Variants in XRCC5 observed in about 807,000 individuals in gnomAD.
XRCC5 encodes X-ray repair cross complementing 5.
XRCC5 carries 12 observed loss-of-function variants against 95.7 expected under a neutral mutation model. The observed-to-expected ratio is 0.13, with a 90% CI of 0.08 to 0.20. The LOEUF is 0.20. Among genes scored for constraint, XRCC5 ranks in the 10% least tolerant of loss-of-function variants. XRCC5 has a pLI of 1.00. For synonymous variants in XRCC5, 281 were observed against 290.3 expected (o/e 0.97, Z 0.33); for missense variants, 595 against 873.9 (o/e 0.68, Z 4.02).
In XRCC5 at chr2:216,168,871, C is replaced by T. The variant is rs113133529; in HGVS notation, c.1834+6823C>T. Among the ~76,000 whole-genome samples, 1,099 of 152,342 alleles carry T rather than the reference C, an allele frequency of 7.2e-3. 16 individuals carry two copies. The highest frequency in any genetic ancestry group is 0.025 in the African/African-American group (1,027 of 41,574). On this transcript the variant is annotated intron_variant, in intron 16 of 20. Coordinates refer to ENST00000392132, the MANE Select transcript of XRCC5 (RefSeq NM_021141.4). ...AGATAAACTAAAATTGGAGGAGATACATTTTCCCCAAAGATCACATAGGAA... is the reference window on the plus strand; with the variant it reads ...AGATAAACTAAAATTGGAGGAGATATATTTTCCCCAAAGATCACATAGGAA...
intron 12 of XRCC5, among the ~76,000 whole-genome samples, chr2:216,140,553 C>T (rs1288456805): frequency 3.9e-5 from 6 of 152,100 alleles, no homozygotes; most frequent in African/African-American, 1.4e-4. Flanking sequence ...AAGAGGATGT[C>T]GTATTTCTGC....
At chr2:216,137,935 A>G (rs536500667) in intron 11 of XRCC5, among the ~76,000 whole-genome samples, 154 bp from the exon 12 acceptor site, 42 of 152,358 alleles carry the variant, frequency 2.8e-4, no homozygotes, top group African/African-American at 9.4e-4. Flanking sequence ...AGCCAGTAGC[A>G]GAAGTCAAAA....
intron 16 of XRCC5, among the ~76,000 whole-genome samples, chr2:216,172,970 A>G (rs1689198616): frequency 6.6e-6 from 1 of 152,158 alleles, no homozygotes; most frequent in Non-Finnish European, 1.5e-5. Context: ...CTTTTATTAA[A>G]TTTATTGCCA....
chr2:216,200,586 AT>A (rs1427995008), intron 19 of XRCC5, among the ~76,000 whole-genome samples: 1 of 152,172 alleles, frequency 6.6e-6, no homozygotes, highest in Non-Finnish European at 1.5e-5. Context: ...AACTTGATGA[AT>A]TCTTACACAT....
At chr2:216,194,242 T>TA (rs1211990001) in intron 18 of XRCC5, among the ~76,000 whole-genome samples, 2 of 152,236 alleles carry the variant, frequency 1.3e-5, no homozygotes, top group African/African-American at 4.8e-5. Context: ...TCATCAGTGT[T>TA]ATAATGAAAC....
intron 15 of XRCC5, 118 bp downstream of exon 15, chr2:216,160,279 T>C: frequency 1.6e-6 from 1 of 612,634 alleles, no homozygotes. Context: ...CATGATCACT[T>C]TCTCTGGTCC....
chr2:216,118,735 ATTCT>A (rs1485881911), intron 4 of XRCC5, among the ~76,000 whole-genome samples: 1 of 152,176 alleles, frequency 6.6e-6, no homozygotes, highest in Non-Finnish European at 1.5e-5. Flanking sequence ...TGCTGGGAGA[ATTCT>A]TTGTTTACAT....
chr2:216,122,490 A>G (rs185040730), intron 6 of XRCC5, among the ~76,000 whole-genome samples: 183 of 152,304 alleles, frequency 1.2e-3, no homozygotes, highest in Non-Finnish European at 2.1e-3. Context: ...AAGTTCAGGA[A>G]TATATAGATA....
chr2:216,110,176 C>T (rs1255179222), intron 1 of XRCC5, among the ~76,000 whole-genome samples: 1 of 152,148 alleles, frequency 6.6e-6, no homozygotes, highest in Non-Finnish European at 1.5e-5. Flanking sequence ...TGGAGAACCC[C>T]TGTGTTGCTA....
At chr2:216,187,863 C>CCCCCCG (rs965446917) in intron 16 of XRCC5, among the ~76,000 whole-genome samples, 5 of 116,618 alleles carry the variant, frequency 4.3e-5, no homozygotes, top group African/African-American at 1.8e-4. Context: ...TCTCTCTCTC[C>CCCCCCG]CCGTCTCCCT....
Position 216,122,323 on chromosome 2 carries a change from TC to T in XRCC5, c.683+73del, listed in dbSNP as rs1192335237. ...TAAATTTCTCTTTTGATTAGAGGTC[TC>T]CCAAATGTTTCCTTTTTCTGGGCCA... On this transcript the variant is annotated intron_variant, in intron 6 of 20. Coordinates refer to ENST00000392132, the MANE Select transcript of XRCC5 (RefSeq NM_021141.4). 9 of 1,418,718 alleles carry T rather than the reference TC, an allele frequency of 6.3e-6. No individual in the cohort carries two copies. The East Asian group carries it at 2.1e-4, about 33-fold the overall frequency. The allele number at this position is 1,418,718 out of a possible 1,614,324, so 87.9% of individuals were successfully genotyped here.
intron 12 of XRCC5, among the ~76,000 whole-genome samples, chr2:216,140,903 A>G (rs1218102907): frequency 6.6e-6 from 1 of 152,156 alleles, no homozygotes; most frequent in Non-Finnish European, 1.5e-5. Context: ...ATATGGCTGT[A>G]TTCCTCTGAA....
At chr2:216,134,929 G>T (rs1002197469) in intron 10 of XRCC5, among the ~76,000 whole-genome samples, 12 of 152,158 alleles carry the variant, frequency 7.9e-5, no homozygotes, top group African/African-American at 2.9e-4. Context: ...AATGTATTAG[G>T]TAAGTGAGGT....
At chr2:216,175,664 G>GCTGTAAA in intron 16 of XRCC5, 1 of 412,722 alleles carries the variant, frequency 2.4e-6, no homozygotes, top group Non-Finnish European at 4.6e-6. Flanking sequence ...CTGTTAGGTG[G>GCTGTAAA]GCACCAGGCT....
At chr2:216,164,345 A>G (rs1689013463) in intron 16 of XRCC5, among the ~76,000 whole-genome samples, 1 of 152,246 alleles carries the variant, frequency 6.6e-6, no homozygotes, top group South Asian at 2.1e-4. Flanking sequence ...TGTCATCACC[A>G]TTATATGGTA....
intron 1 of XRCC5, among the ~76,000 whole-genome samples, chr2:216,110,815 G>T (rs1696576464): frequency 6.6e-6 from 1 of 151,842 alleles, no homozygotes; most frequent in Admixed American, 6.6e-5. Context: ...GTTTTTTTAG[G>T]TTATCATGCC....
rs1177328109 is a variant in XRCC5 at position 216,119,031 on chromosome 2, T to A, written c.369-12T>A. ...GAGAATGATTTCTTAATATGATAAC[T>A]CTCTCTTTTAGAGGAAAGAAGTTTG... On this transcript the variant is annotated splice_polypyrimidine_tract_variant and intron_variant, in intron 4 of 20. Transcript: ENST00000392132. 4.3e-6 allele frequency: 7 copies of A among 1,612,418 alleles called. No individual in the cohort carries two copies. Among genetic ancestry groups the A allele is most frequent in the African/African-American group, 1.3e-5 (1 of 74,850 alleles).
intron 8 of XRCC5, among the ~76,000 whole-genome samples, chr2:216,129,094 GAC>G (rs749218103): frequency 3.9e-5 from 6 of 152,210 alleles, no homozygotes; most frequent in Non-Finnish European, 8.8e-5. Flanking sequence ...AGATTAATAT[GAC>G]AACTGGTTGT....
Position 216,137,210 on chromosome 2 carries a change from C to G in XRCC5, c.1236C>G (p.Ile412Met). ...AAGTCGGCGTGGCTTTTCCTCATATCAAGCATAACTATGAGGTAAAACCCA... is the reference window on the plus strand; with the variant it reads ...AAGTCGGCGTGGCTTTTCCTCATATGAAGCATAACTATGAGGTAAAACCCA... ...NPQVGVAFPH[I>M]KHNYECLVYV... Residue 412 changes from isoleucine (I) to methionine (M), a missense_variant, in exon 11 of 21, where the codon ATC becomes ATG. Coordinates refer to ENST00000392132, the MANE Select transcript of XRCC5 (RefSeq NM_021141.4). The G allele has an allele frequency of 6.2e-7, 1 of 1,613,294 alleles. No individual in the cohort carries two copies. The highest frequency in any genetic ancestry group is 1.1e-5 in the South Asian group (1 of 90,892).
Sources: gnomAD v4.1 joint callset for allele counts (sites outside exome capture counted in the v4.1 genomes callset) on GRCh38, gnomAD v4.1.1 for gene constraint, MANE v1.5 for transcripts, NCBI Gene and HGNC (gene_info 2026-07-23, HGNC 2026-07-21) for gene names.